Variants in COL1A2 observed in about 807,000 individuals in gnomAD.
COL1A2 encodes the protein collagen alpha-2(I) chain.
In COL1A2, 49 loss-of-function variants were observed where a neutral mutation model predicts 174.3. The ratio of observed to expected loss-of-function variants is 0.28; its 90% CI spans 0.22 to 0.36. The LOEUF is 0.36. Ranked by LOEUF, COL1A2 falls within the 10% of genes least tolerant of loss-of-function variation. The pLI is 1.00. For synonymous variants in COL1A2, 655 were observed against 606.6 expected (o/e 1.08, Z -1.17); for missense variants, 1,438 against 1,822.7 (o/e 0.79, Z 3.84).
intron 13 of COL1A2, 90 bp downstream of exon 13, chr7:94,407,981 T>C (rs1444911562): frequency 3.1e-6 from 4 of 1,281,264 alleles, no homozygotes; most frequent in Middle Eastern, 2.0e-4. Flanking sequence ...CACTGTATCC[T>C]TCAGCATTGT....
intron 27 of COL1A2, 62 bp from the exon 28 acceptor site, chr7:94,413,832 T>C (rs1791982459): frequency 6.2e-7 from 1 of 1,609,880 alleles, no homozygotes; most frequent in Non-Finnish European, 8.5e-7. Flanking sequence ...CCAAAAGTTA[T>C]ACAGCTAGAC....
At chr7:94,417,551 C>A in intron 31 of COL1A2, 173 bp from the exon 32 acceptor site, 1 of 637,942 alleles carries the variant, frequency 1.6e-6, no homozygotes, top group Non-Finnish European at 2.9e-6. Flanking sequence ...ATGTCATTAA[C>A]AGCATCTCTC....
In COL1A2 at chr7:94,399,038, C is replaced by G. The variant is rs1791635232; in HGVS notation, c.97-11C>G. On this transcript the variant is annotated splice_polypyrimidine_tract_variant and intron_variant, in intron 3 of 51. Transcript: ENST00000297268. Reference sequence around the variant, plus strand: ...GCATTTATTATTGTCCTGTTTGTATCTTTCCTGTAGGGCCCAGCCGGAGAT... The same window carrying G: ...GCATTTATTATTGTCCTGTTTGTATGTTTCCTGTAGGGCCCAGCCGGAGAT... The G allele has an allele frequency of 6.2e-7, 1 of 1,613,214 alleles. No individual in the cohort carries two copies. The highest frequency in any genetic ancestry group is 1.3e-5 in the African/African-American group (1 of 74,882).
Position 94,411,106 on chromosome 7 carries a change from T to A in COL1A2, c.1302T>A (p.Pro434=). ...GASGPAGVRG[P]NGDAGRPGEP... is the part of the protein sequence containing the mutation. Reference sequence around the variant, plus strand: ...GTGGCCCTGCTGGAGTCCGAGGACCTAATGGAGATGCTGGTCGCCCTGGGG... The same window carrying A: ...GTGGCCCTGCTGGAGTCCGAGGACCAAATGGAGATGCTGGTCGCCCTGGGG... The change falls in exon 23 of 52, where the codon CCT becomes CCA. Residue 434 remains proline (P), a synonymous_variant. Transcript: ENST00000297268. 6.2e-7 allele frequency: 1 copy of A among 1,604,298 alleles called. No homozygotes were observed. The highest frequency in any genetic ancestry group is 8.5e-7 in the Non-Finnish European group (1 of 1,175,378).
rs745797965 is a variant in COL1A2, at chr7:94,410,308, A to G, written c.1089+13A>G. 6.2e-7 allele frequency: 1 copy of G among 1,613,844 alleles called. No homozygotes were observed. The highest frequency in any genetic ancestry group is 2.2e-5 in the East Asian group (1 of 44,890). On this transcript the variant is annotated intron_variant, in intron 20 of 51. Transcript: ENST00000297268. ...CAAGGGTGAGCCCGTAAGTAGCTCT[A>G]TCATCACACTTTTATAAAGTTAATT...
chr7:94,419,661 AT>A, intron 34 of COL1A2, 110 bp downstream of exon 34: 1 of 1,198,454 alleles, frequency 8.3e-7, no homozygotes, highest in Non-Finnish European at 1.2e-6. Context: ...AAGCCTACTT[AT>A]TTAAAAACCT....
At chr7:94,399,727 T>C (rs749481810) in intron 4 of COL1A2, among the ~76,000 whole-genome samples, 6 of 152,242 alleles carry the variant, frequency 3.9e-5, no homozygotes, top group Non-Finnish European at 7.3e-5. Context: ...TAGTTAATGA[T>C]AGTAAATCTG....
At chr7:94,402,695 C>T (rs1426851465) in intron 6 of COL1A2, among the ~76,000 whole-genome samples, 1 of 152,064 alleles carries the variant, frequency 6.6e-6, no homozygotes, top group Non-Finnish European at 1.5e-5. Flanking sequence ...TTAATGTATA[C>T]ACACACACGC....
intron 25 of COL1A2, 64 bp from the exon 26 acceptor site, chr7:94,413,019 C>T (rs886071005): frequency 7.3e-5 from 109 of 1,495,062 alleles, no homozygotes; most frequent in Non-Finnish European, 9.7e-5. Context: ...GCAAAATCAC[C>T]GTGGTTAATT....
In COL1A2 at chr7:94,416,766, C is replaced by T. The variant is rs142140893; in HGVS notation, c.1863+263C>T. The T allele has an allele frequency of 1.5e-3, 737 of 477,496 alleles. 11 individuals are homozygous for T. In the East Asian group the frequency reaches 0.022, roughly 14 times the overall value. The allele number at this position is 477,496 out of a possible 1,614,324, so 29.6% of individuals were successfully genotyped here. On this transcript the variant is annotated intron_variant, in intron 31 of 51. Coordinates refer to ENST00000297268, the MANE Select transcript of COL1A2 (RefSeq NM_000089.4). ...ATGGGTTGTCACTCTTTTCTCCTCA[C>T]GCTGTTTATGCTTTTGTTTTAATCT... is the stretch of plus-strand genomic sequence containing the variant.
At chr7:94,400,111 T>C (rs996372912) in intron 4 of COL1A2, 85 bp from the exon 5 acceptor site, 1 of 1,245,958 alleles carries the variant, frequency 8.0e-7, no homozygotes, top group East Asian at 2.3e-5. Context: ...CATAGAAAGG[T>C]CTGAACAACT....
At chr7:94,414,543 G>A (rs1053944721) in intron 29 of COL1A2, among the ~76,000 whole-genome samples, 1 of 152,010 alleles carries the variant, frequency 6.6e-6, no homozygotes, top group Non-Finnish European at 1.5e-5. Context: ...CTTACTTTTT[G>A]TATTGTTCTT....
At chr7:94,425,560 T>C in intron 42 of COL1A2, 50 bp from the exon 43 acceptor site, 1 of 1,574,106 alleles carries the variant, frequency 6.4e-7, no homozygotes, top group Non-Finnish European at 8.7e-7. Context: ...TAGGGGCTGG[T>C]AGGCAGCAGA....
intron 19 of COL1A2, among the ~76,000 whole-genome samples, 164 bp from the exon 20 acceptor site, chr7:94,410,078 A>G (rs549508759): frequency 6.0e-4 from 92 of 152,342 alleles, no homozygotes; most frequent in African/African-American, 2.2e-3. Context: ...CCCTTCGACC[A>G]ATAATACCAT....
chr7:94,409,707 G>C lies in COL1A2; in HGVS notation c.937-16G>C. On this transcript the variant is annotated splice_polypyrimidine_tract_variant and intron_variant, in intron 18 of 51. Transcript: ENST00000297268. ...CATCACCTCCCTAATGGACCACACTGCATTTTCCTTCACAGGGCCTTCCCG... is the reference window on the plus strand; with the variant it reads ...CATCACCTCCCTAATGGACCACACTCCATTTTCCTTCACAGGGCCTTCCCG... 1 of 1,614,014 alleles carries C rather than the reference G, an allele frequency of 6.2e-7. No individual in the cohort carries two copies. The highest frequency in any genetic ancestry group is 8.5e-7 in the Non-Finnish European group (1 of 1,179,924).
chr7:94,421,201 T>C, intron 38 of COL1A2, 139 bp downstream of exon 38: 1 of 824,968 alleles, frequency 1.2e-6, no homozygotes, highest in South Asian at 1.5e-5. Flanking sequence ...TTCAGAGCAA[T>C]TCCGATATTG....
intron 34 of COL1A2, among the ~76,000 whole-genome samples, chr7:94,419,781 T>C (rs1406439961): frequency 2.6e-5 from 4 of 152,194 alleles, no homozygotes; most frequent in African/African-American, 9.7e-5. Flanking sequence ...CTAGCATTTG[T>C]TTTAAAGTCT....
At chr7:94,395,342 C>T in intron 1 of COL1A2, 1 of 571,644 alleles carries the variant, frequency 1.7e-6, no homozygotes, top group Non-Finnish European at 3.2e-6. Flanking sequence ...AGACAGTTAA[C>T]TCGGTCTGGC....
At chr7:94,399,119 C>A (rs750588505) in intron 4 of COL1A2, 35 bp downstream of exon 4, 30 of 1,588,326 alleles carry the variant, frequency 1.9e-5, no homozygotes, top group African/African-American at 6.7e-5. Context: ...GGCTTCGTCC[C>A]GTATTTGAAT....
Sources: allele counts gnomAD v4.1 joint callset (sites outside exome capture counted in the v4.1 genomes callset), GRCh38; gene constraint gnomAD v4.1.1; transcripts MANE v1.5; gene names NCBI Gene and HGNC (gene_info 2026-07-23, HGNC 2026-07-21).